Variants in WWOX observed in about 807,000 individuals in gnomAD.
WWOX encodes WW domain-containing oxidoreductase.
A neutral mutation model predicts 46.2 loss-of-function variants in WWOX; 69 were observed. That is an observed-to-expected ratio of 1.49 (90% CI 1.23 to 1.82). The LOEUF is 1.82. Among genes scored for constraint, WWOX ranks in the 40% most tolerant of loss-of-function variants. The pLI is 0.00. For synonymous variants in WWOX, 359 were observed against 202.6 expected (o/e 1.77, Z -6.56); for missense variants, 919 against 542.6 (o/e 1.69, Z -6.89).
chr16:78,939,751 C>A (rs147165252), intron 8 of WWOX, among the ~76,000 whole-genome samples: 6 of 152,194 alleles, frequency 3.9e-5, no homozygotes, highest in Non-Finnish European at 7.3e-5. Flanking sequence ...GGTAACCCAG[C>A]CCCTTTTAAT....
At chr16:78,712,329 C>G (rs1480062210) in intron 8 of WWOX, among the ~76,000 whole-genome samples, 1 of 152,052 alleles carries the variant, frequency 6.6e-6, no homozygotes, top group African/African-American at 2.4e-5. Context: ...TGGTGAAACT[C>G]TGTCTCTACT....
intron 8 of WWOX, among the ~76,000 whole-genome samples, chr16:78,750,384 T>G (rs1039913877): frequency 9.2e-5 from 14 of 152,198 alleles, no homozygotes; most frequent in African/African-American, 2.9e-4. Context: ...AGGATTTCCA[T>G]TAGGATCAGG....
chr16:78,594,607 G>C (rs2045439169), intron 8 of WWOX, among the ~76,000 whole-genome samples: 1 of 151,862 alleles, frequency 6.6e-6, no homozygotes, highest in Admixed American at 6.6e-5. Context: ...CTCCTTTCCT[G>C]GTTGTTTCCA....
At chr16:78,473,669 TG>T (rs1315400745) in intron 8 of WWOX, among the ~76,000 whole-genome samples, 1 of 152,186 alleles carries the variant, frequency 6.6e-6, no homozygotes, top group Non-Finnish European at 1.5e-5. Context: ...GCGTTTTTTT[TG>T]GAATTGTCTT....
intron 8 of WWOX, among the ~76,000 whole-genome samples, chr16:78,947,159 C>A (rs1257412648): frequency 2.0e-5 from 3 of 148,658 alleles, no homozygotes; most frequent in African/African-American, 7.4e-5. Flanking sequence ...AAAAATAGAT[C>A]AAAAAAGTAC....
chr16:78,192,840 A>C (rs2035925806), intron 5 of WWOX, among the ~76,000 whole-genome samples: 1 of 152,354 alleles, frequency 6.6e-6, no homozygotes, highest in East Asian at 1.9e-4. Context: ...GTGAAACATA[A>C]AGCTATGACT....
chr16:78,829,872 G>A (rs1300904339), intron 8 of WWOX, among the ~76,000 whole-genome samples: 1 of 152,176 alleles, frequency 6.6e-6, no homozygotes, highest in Admixed American at 6.5e-5. Context: ...GAGAAAAGCT[G>A]TTGAGCACCA....
intron 8 of WWOX, among the ~76,000 whole-genome samples, chr16:79,074,188 G>A (rs1439758938): frequency 2.6e-5 from 4 of 152,060 alleles, no homozygotes; most frequent in Non-Finnish European, 5.9e-5. Context: ...GCTGTGTGTT[G>A]AAGATAGAAG....
intron 8 of WWOX, among the ~76,000 whole-genome samples, chr16:78,823,700 T>G (rs2051568861): frequency 6.6e-6 from 1 of 152,152 alleles, no homozygotes; most frequent in African/African-American, 2.4e-5. Flanking sequence ...CCGCCGAGCC[T>G]GAGCTGATAT....
chr16:78,671,756 C>A (rs60869666), intron 8 of WWOX, among the ~76,000 whole-genome samples: 1 of 152,128 alleles, frequency 6.6e-6, no homozygotes, highest in African/African-American at 2.4e-5. Flanking sequence ...TTATTTAGAA[C>A]ATAAGTATAT....
intron 8 of WWOX, chr16:78,891,774 ATTC>A (rs1160973462): frequency 6.6e-6 from 1 of 152,202 alleles, no homozygotes; most frequent in East Asian, 1.9e-4. Context: ...ACTGCTGGGT[ATTC>A]TTCTAAGAGC....
intron 8 of WWOX, among the ~76,000 whole-genome samples, chr16:78,856,654 A>C (rs1477545952): frequency 6.6e-6 from 1 of 152,204 alleles, no homozygotes; most frequent in Non-Finnish European, 1.5e-5. Context: ...GAAAGAGGAA[A>C]GAAATGGAAT....
At position 78,785,945 on chromosome 16, in the gene WWOX, C is replaced by T. The variant is rs189781292; in HGVS notation, c.1056+353193C>T. ...TTTTTGAGATGGAGTCTCATTCTGT[C>T]GCCCAGGCTGGAGTGCAGTGGCGCG... On this transcript the variant is annotated intron_variant, in intron 8 of 8. Transcript: ENST00000566780. Among the ~76,000 whole-genome samples, 512 of 152,218 alleles carry T rather than the reference C, an allele frequency of 3.4e-3. 3 individuals are homozygous for T. Among genetic ancestry groups the T allele is most frequent in the African/African-American group, 0.011 (471 of 41,520 alleles).
At chr16:78,831,815 A>G (rs1473439195) in intron 8 of WWOX, among the ~76,000 whole-genome samples, 1 of 152,232 alleles carries the variant, frequency 6.6e-6, no homozygotes, top group East Asian at 1.9e-4. Flanking sequence ...GTAGCACTGC[A>G]TGTCAAGCCA....
chr16:78,812,565 T>TA lies in WWOX; in HGVS notation c.1056+379825dup, dbSNP rs113895537. On this transcript the variant is annotated intron_variant, in intron 8 of 8. Coordinates refer to ENST00000566780, the MANE Select transcript of WWOX (RefSeq NM_016373.4). The stretch of plus-strand genomic sequence containing the variant: ...GGCGAAACTCCTTCTCTACTAAAAA[T>TA]AAAAAAAAAAAATTGCCAGGCCTAG... Among the ~76,000 whole-genome samples the TA allele has an allele frequency of 3.1e-3, 448 of 144,470 alleles. 1 individual carries two copies. Among genetic ancestry groups the TA allele is most frequent in the African/African-American group, 9.6e-3 (380 of 39,626 alleles). 94.8% of individuals were successfully genotyped at this position (144,470 alleles called of 152,430 possible).
At chr16:78,545,781 G>A (rs1159819676) in intron 8 of WWOX, among the ~76,000 whole-genome samples, 1 of 152,120 alleles carries the variant, frequency 6.6e-6, no homozygotes, top group Non-Finnish European at 1.5e-5. Flanking sequence ...TCTCTCTGAG[G>A]CCTCTCTCCT....
chr16:78,616,338 G>A (rs752415595), intron 8 of WWOX, among the ~76,000 whole-genome samples: 16 of 152,060 alleles, frequency 1.1e-4, no homozygotes, highest in East Asian at 1.9e-4. Flanking sequence ...TCACAATTCC[G>A]GAGGCTGAGA....
At chr16:79,205,223 A>G (rs2051469935) in intron 8 of WWOX, 1 of 151,884 alleles carries the variant, frequency 6.6e-6, no homozygotes, top group South Asian at 2.1e-4. Flanking sequence ...CTGTGCTTGA[A>G]CCTGTTGCAT....
At chr16:79,059,506 T>G (rs963102737) in intron 8 of WWOX, among the ~76,000 whole-genome samples, 2 of 152,238 alleles carry the variant, frequency 1.3e-5, no homozygotes, top group Non-Finnish European at 2.9e-5. Flanking sequence ...TTTTTCTTTT[T>G]TTGAGATGGA....
Sources: allele counts gnomAD v4.1 joint callset (sites outside exome capture counted in the v4.1 genomes callset), GRCh38; gene constraint gnomAD v4.1.1; transcripts MANE v1.5; gene names NCBI Gene and HGNC (gene_info 2026-07-23, HGNC 2026-07-21).